The following R3HCC1L variants were observed in gnomAD, a reference collection of about 807,000 sequenced individuals.
R3HCC1L encodes R3H domain and coiled-coil containing 1 like, also known as coiled-coil domain-containing protein R3HCC1L.
In R3HCC1L, 51 loss-of-function variants were observed where a neutral mutation model predicts 59.9. That is an observed-to-expected ratio of 0.85 (90% CI 0.68 to 1.07). The LOEUF (loss-of-function observed/expected upper bound fraction) is 1.07. R3HCC1L is among the 50% of genes least tolerant of loss of function. The pLI is 0.00. For missense variants in R3HCC1L, 965 were observed against 933.0 expected (o/e 1.03, Z -0.45); for synonymous variants, 322 against 315.2 (o/e 1.02, Z -0.23).
chr10:98,137,352 T>C (rs941384617), intron 1 of R3HCC1L, among the ~76,000 whole-genome samples: 2 of 152,254 alleles, frequency 1.3e-5, no homozygotes, highest in East Asian at 1.9e-4. Flanking sequence ...AATGGCATTA[T>C]GTCACAAGGT....
At chr10:98,175,031 T>TA (rs1312445802) in intron 4 of R3HCC1L, among the ~76,000 whole-genome samples, 1 of 152,002 alleles carries the variant, frequency 6.6e-6, no homozygotes, top group Non-Finnish European at 1.5e-5. Flanking sequence ...GAAGAGATGA[T>TA]AGAGTTGACA....
chr10:98,187,116 T>C (rs142949254), intron 4 of R3HCC1L, among the ~76,000 whole-genome samples: 50 of 152,304 alleles, frequency 3.3e-4, no homozygotes, highest in Middle Eastern at 3.4e-3. Flanking sequence ...GTTTAAATTA[T>C]ATTGCCATGT....
At chr10:98,203,244 ATG>A (rs764564443) in intron 4 of R3HCC1L, among the ~76,000 whole-genome samples, 2 of 152,214 alleles carry the variant, frequency 1.3e-5, no homozygotes, top group African/African-American at 4.8e-5. Context: ...AAAAAACTGC[ATG>A]TGTGTGTATG....
Position 98,209,867 on chromosome 10 carries a change from G to T in R3HCC1L, c.1753G>T (p.Gly585Cys). 2 of 1,613,152 alleles carry T rather than the reference G, an allele frequency of 1.2e-6. No individual in the cohort carries two copies. Among genetic ancestry groups the T allele is most frequent in the South Asian group, 1.1e-5 (1 of 90,956 alleles). ...CTGGGAGTCTATGTTTAACGATGATGGTGACTGCCTGGATCCACGTCTTCT... is the reference window on the plus strand; with the variant it reads ...CTGGGAGTCTATGTTTAACGATGATTGTGACTGCCTGGATCCACGTCTTCT... ...ESWESMFNDD[G>C]DCLDPRLLQE... Residue 585 changes from glycine to cysteine, a missense_variant, in exon 5 of 10, where the codon GGT becomes TGT. Transcript: ENST00000298999.
chr10:98,177,123 T>A (rs1849103512), intron 4 of R3HCC1L, among the ~76,000 whole-genome samples: 1 of 152,184 alleles, frequency 6.6e-6, no homozygotes. Flanking sequence ...GTTGGTTTGC[T>A]GCACCCATTA....
At position 98,209,330 on chromosome 10, in the gene R3HCC1L, T is replaced by C. The variant is rs1853234682; in HGVS notation, c.1216T>C (p.Ser406Pro). The change falls in exon 5 of 10, where the codon TCT becomes CCT. Residue 406 changes from serine to proline, a missense_variant. Physicochemically the swap from Ser to Pro is moderately conservative, Grantham distance 74. Transcript: ENST00000298999. Reference sequence around the variant, plus strand: ...TGCAGTTAGAATAGCTGATGAGACCTCTATTAATACACGAAGTTTCTCAAA... The same window carrying C: ...TGCAGTTAGAATAGCTGATGAGACCCCTATTAATACACGAAGTTTCTCAAA... ...VVAVRIADET[S>P]INTRSFSKFV... 6.2e-7 allele frequency: 1 copy of C among 1,614,008 alleles called. No individual in the cohort carries two copies. The highest frequency in any genetic ancestry group is 8.5e-7 in the Non-Finnish European group (1 of 1,179,956).
intron 1 of R3HCC1L, among the ~76,000 whole-genome samples, chr10:98,146,193 C>G (rs1270874667): frequency 1.3e-5 from 2 of 152,094 alleles, no homozygotes; most frequent in Non-Finnish European, 1.5e-5. Flanking sequence ...GGTTACAGCT[C>G]TGTTGACAAA....
chr10:98,205,302 C>G (rs2031516), intron 4 of R3HCC1L, among the ~76,000 whole-genome samples: 150,912 of 152,218 alleles, frequency 0.99, 74,826 homozygotes, highest in East Asian at 1. Flanking sequence ...ATTTGGTGAT[C>G]TCACAATGAT....
At chr10:98,143,523 T>G (rs1296917510) in intron 1 of R3HCC1L, among the ~76,000 whole-genome samples, 1 of 152,226 alleles carries the variant, frequency 6.6e-6, no homozygotes. Flanking sequence ...ATTTCTTTTT[T>G]GTACCATGTT....
At chr10:98,155,855 G>C (rs1846809574) in intron 1 of R3HCC1L, among the ~76,000 whole-genome samples, 1 of 150,822 alleles carries the variant, frequency 6.6e-6, no homozygotes, top group Non-Finnish European at 1.5e-5. Context: ...GAAAGTTTTA[G>C]TGTTATTAAA....
chr10:98,203,826 T>C (rs1487407084), intron 4 of R3HCC1L, among the ~76,000 whole-genome samples: 1 of 152,198 alleles, frequency 6.6e-6, no homozygotes, highest in African/African-American at 2.4e-5. Context: ...ATTGGACAGG[T>C]GCTCAGGTAT....
intron 5 of R3HCC1L, among the ~76,000 whole-genome samples, chr10:98,215,322 A>G (rs1029491773): frequency 6.6e-6 from 1 of 152,220 alleles, no homozygotes; most frequent in Admixed American, 6.5e-5. Context: ...AATTACTAAG[A>G]TAGAAAAAAC....
intron 9 of R3HCC1L, among the ~76,000 whole-genome samples, chr10:98,243,689 T>A (rs1484084896): frequency 6.6e-6 from 1 of 152,188 alleles, no homozygotes; most frequent in African/African-American, 2.4e-5. Context: ...TAGAAGAATA[T>A]CAATACATAT....
At chr10:98,183,415 G>A (rs951706147) in intron 4 of R3HCC1L, among the ~76,000 whole-genome samples, 1 of 150,220 alleles carries the variant, frequency 6.7e-6, no homozygotes, top group South Asian at 2.1e-4. Flanking sequence ...TGAATATAAT[G>A]TGTCTAATTG....
At chr10:98,189,138 C>T (rs1850554667) in intron 4 of R3HCC1L, among the ~76,000 whole-genome samples, 1 of 152,158 alleles carries the variant, frequency 6.6e-6, no homozygotes, top group Non-Finnish European at 1.5e-5. Context: ...AATTTGGACA[C>T]TCTGGAATTT....
At chr10:98,184,455 C>T (rs1175711041) in intron 4 of R3HCC1L, among the ~76,000 whole-genome samples, 1 of 152,116 alleles carries the variant, frequency 6.6e-6, no homozygotes, top group African/African-American at 2.4e-5. Flanking sequence ...ACATGCTGTA[C>T]AGGTTTGTAG....
chr10:98,177,443 G>C (rs769223584), intron 4 of R3HCC1L, among the ~76,000 whole-genome samples: 1 of 152,110 alleles, frequency 6.6e-6, no homozygotes, highest in South Asian at 2.1e-4. Flanking sequence ...ATGGACATTC[G>C]GGTTGGTTCC....
chr10:98,163,084 A>C (rs1847603671), intron 3 of R3HCC1L, 109 bp downstream of exon 3: 1 of 228,262 alleles, frequency 4.4e-6, no homozygotes, highest in African/African-American at 2.3e-5. Flanking sequence ...TCTGAGAATG[A>C]CAGAAGATGG....
At chr10:98,143,304 C>T (rs537409501) in intron 1 of R3HCC1L, among the ~76,000 whole-genome samples, 3 of 152,238 alleles carry the variant, frequency 2.0e-5, no homozygotes, top group African/African-American at 4.8e-5. Flanking sequence ...TCTCTCTTAC[C>T]ATCACACGTA....
Sources: allele counts gnomAD v4.1 joint callset (sites outside exome capture counted in the v4.1 genomes callset), GRCh38; gene constraint gnomAD v4.1.1; transcripts MANE v1.5; gene names NCBI Gene and HGNC (gene_info 2026-07-23, HGNC 2026-07-21).